SYT14: variants seen among roughly 807,000 people sequenced by gnomAD.
SYT14 encodes synaptotagmin 14.
A neutral mutation model predicts 74.2 loss-of-function variants in SYT14; 32 were observed. That is an observed-to-expected ratio of 0.43 (90% CI 0.33 to 0.58). The LOEUF is 0.58. Ranked by LOEUF, SYT14 falls within the 20% of genes least tolerant of loss-of-function variation. SYT14 has a pLI of 0.05. For synonymous variants in SYT14, 298 were observed against 337.7 expected, an observed-to-expected ratio of 0.88 and a Z score of 1.29; for missense variants, 791 against 981.8, an observed-to-expected ratio of 0.81 and a Z score of 2.60.
exon 10 of SYT14, chr1:210,161,496 G>A (rs2083372310): frequency 2.2e-6 from 1 of 454,040 alleles, no homozygotes. Flanking sequence ...ATATGAAAAA[G>A]TAGTTCTCCA....
intron 7 of SYT14, among the ~76,000 whole-genome samples, chr1:210,141,158 C>T (rs1037476589): frequency 3.3e-5 from 5 of 151,410 alleles, no homozygotes; most frequent in Non-Finnish European, 7.4e-5. Context: ...GTCTTCCAGT[C>T]CATTAGCATG....
intron 2 of SYT14, among the ~76,000 whole-genome samples, chr1:209,978,599 G>A (rs1381864442): frequency 1.3e-5 from 2 of 152,128 alleles, no homozygotes; most frequent in African/African-American, 4.8e-5. Context: ...GCCGTGTGAG[G>A]TGTCAGTCTG....
intron 2 of SYT14, among the ~76,000 whole-genome samples, chr1:209,972,838 A>G (rs1412483496): frequency 2.0e-5 from 3 of 152,180 alleles, no homozygotes; most frequent in South Asian, 2.1e-4. Flanking sequence ...GATGGGTACA[A>G]TATTCTGTAG....
At chr1:209,942,111 T>G (rs991726242) in intron 1 of SYT14, among the ~76,000 whole-genome samples, 1 of 152,144 alleles carries the variant, frequency 6.6e-6, no homozygotes, top group African/African-American at 2.4e-5. Flanking sequence ...GGGGGGCCAA[T>G]TGTATTTTGT....
intron 1 of SYT14, among the ~76,000 whole-genome samples, chr1:209,948,162 T>C (rs943184221): frequency 1.3e-5 from 2 of 152,224 alleles, no homozygotes; most frequent in African/African-American, 2.4e-5. Context: ...CCTGTCGATA[T>C]CTCTGAGGTA....
chr1:210,015,861 T>G, exon 4 of SYT14: 1 of 1,220,746 alleles, frequency 8.2e-7, no homozygotes, highest in East Asian at 3.2e-5. Flanking sequence ...TACAGAAAGA[T>G]TAAAAGCTAC....
rs1572397251 is a variant in SYT14 at position 210,160,032 on chromosome 1, T to A, written c.2281+555T>A. Among the ~76,000 whole-genome samples, 5 of 152,338 alleles carry A rather than the reference T, an allele frequency of 3.3e-5. No individual in the cohort carries two copies. The South Asian group carries it at 1.0e-3, about 32-fold the overall frequency. ...TGCCAAAAAACAATCCTATAGTATT[T>A]TAACTATCCTGAAAGCACATTAAAT... On this transcript the variant is annotated intron_variant, in intron 9 of 9. Coordinates refer to ENST00000637265, the Ensembl canonical transcript of SYT14.
At chr1:210,040,424 G>A (rs11119399) in intron 5 of SYT14, among the ~76,000 whole-genome samples, 22,096 of 151,876 alleles carry the variant, frequency 0.15, 1,991 homozygotes, top group East Asian at 0.19. Flanking sequence ...TGTAGAAGAC[G>A]GGTTGATGGA....
At chr1:209,962,542 A>G (rs1401131473) in intron 2 of SYT14, among the ~76,000 whole-genome samples, 1 of 152,084 alleles carries the variant, frequency 6.6e-6, no homozygotes, top group Non-Finnish European at 1.5e-5. Context: ...ATTTTCTTTG[A>G]TTCGTTCTCA....
chr1:209,957,999 T>G (rs1177068121), intron 2 of SYT14, among the ~76,000 whole-genome samples: 1 of 152,154 alleles, frequency 6.6e-6, no homozygotes, highest in Non-Finnish European at 1.5e-5. Flanking sequence ...GGGGAAATCC[T>G]TCCTTAACCC....
intron 5 of SYT14, among the ~76,000 whole-genome samples, chr1:210,030,040 T>C (rs2080496456): frequency 2.0e-5 from 3 of 152,202 alleles, no homozygotes; most frequent in Non-Finnish European, 4.4e-5. Flanking sequence ...AATTTCTTTT[T>C]CAGATTGTTC....
At chr1:210,161,132 T>C (rs762083795) in exon 10 of SYT14, 24 of 1,400,800 alleles carry the variant, frequency 1.7e-5, no homozygotes, top group Non-Finnish European at 2.3e-5. Context: ...AGAAGAGCTG[T>C]TCTTTGAAGA....
chr1:210,012,498 G>T (rs2080103866), intron 2 of SYT14, among the ~76,000 whole-genome samples: 1 of 152,132 alleles, frequency 6.6e-6, no homozygotes, highest in Non-Finnish European at 1.5e-5. Flanking sequence ...GAATATTGCG[G>T]ATTCTGAGGC....
intron 7 of SYT14, among the ~76,000 whole-genome samples, chr1:210,123,565 G>T (rs2484030): frequency 0.77 from 117,438 of 152,122 alleles, 45,638 homozygotes; most frequent in East Asian, 0.94. Flanking sequence ...GCAGTAAATA[G>T]CATAAGTTTC....
intron 2 of SYT14, among the ~76,000 whole-genome samples, chr1:210,011,776 A>G (rs1251746943): frequency 1.3e-5 from 2 of 152,194 alleles, no homozygotes; most frequent in Non-Finnish European, 2.9e-5. Context: ...TGCTTGAATG[A>G]TGGAGGAAGA....
exon 4 of SYT14, chr1:210,015,797 T>G: frequency 9.7e-7 from 1 of 1,029,964 alleles, no homozygotes; most frequent in Middle Eastern, 3.8e-4. Context: ...GTTTGATTTT[T>G]TTTTTCCGGA....
rs138300515 is a variant in SYT14, at chr1:209,952,812, A to G, written c.-486+56A>G. 8.2e-4 allele frequency: 1,210 copies of G among 1,476,466 alleles called. 4 individuals carry two copies. Among genetic ancestry groups the G allele is most frequent in the African/African-American group, 5.8e-3 (419 of 72,448 alleles). The allele number at this position is 1,476,466 out of a possible 1,614,324, so 91.5% of individuals were successfully genotyped here. A position where few individuals can be genotyped will look rare whatever the true frequency, so the allele number is the denominator to read the frequency against. Reference sequence around the variant, plus strand: ...TACTAAATGAATACTTCCAAAGTGTATAATAGATTTTAGTAGGATGGCGGA... The same window carrying G: ...TACTAAATGAATACTTCCAAAGTGTGTAATAGATTTTAGTAGGATGGCGGA... On this transcript the variant is annotated intron_variant, in intron 2 of 9. Coordinates refer to ENST00000637265, the Ensembl canonical transcript of SYT14.
At chr1:210,074,902 TAGTC>T (rs2081462547) in intron 5 of SYT14, among the ~76,000 whole-genome samples, 1 of 152,006 alleles carries the variant, frequency 6.6e-6, no homozygotes. Context: ...CGGCTTGTGT[TAGTC>T]AGCTCAATTA....
intron 5 of SYT14, among the ~76,000 whole-genome samples, chr1:210,037,862 G>C (rs1322871882): frequency 2.6e-5 from 4 of 151,962 alleles, no homozygotes; most frequent in Non-Finnish European, 4.4e-5. Context: ...CTACTATATG[G>C]TCTGTGTTGG....
Sources: gnomAD v4.1 joint callset for allele counts (sites outside exome capture counted in the v4.1 genomes callset) on GRCh38, gnomAD v4.1.1 for gene constraint, MANE v1.5 for transcripts, NCBI Gene and HGNC (gene_info 2026-07-23, HGNC 2026-07-21) for gene names.